Variants in NECAB1 observed in about 807,000 individuals in gnomAD.
NECAB1 encodes the protein N-terminal EF-hand calcium binding protein 1, also known as N-terminal EF-hand calcium-binding protein 1.
NECAB1 carries 29 observed loss-of-function variants against 57.5 expected under a neutral mutation model. The observed-to-expected ratio is 0.50, with a 90% CI of 0.38 to 0.69. The LOEUF is 0.69. Ranked by LOEUF, NECAB1 falls within the 30% of genes least tolerant of loss-of-function variation. The pLI is 0.00. For synonymous variants in NECAB1, 142 were observed against 147.7 expected (o/e 0.96, Z 0.28); for missense variants, 372 against 413.8 (o/e 0.90, Z 0.88).
Position 90,855,078 on chromosome 8 carries a change from A to C in NECAB1, c.234-17050A>C, listed in dbSNP as rs978398600. ...CCTATTCTCTTGTTTGCAAACAAAC[A>C]TGTAGCCCTCAGGAGCACAGGTCAC... On this transcript the variant is annotated intron_variant, in intron 3 of 12. Coordinates refer to ENST00000417640, the MANE Select transcript of NECAB1 (RefSeq NM_022351.5). Among the ~76,000 whole-genome samples the C allele has an allele frequency of 2.6e-5, 4 of 152,204 alleles. No homozygotes were observed. The South Asian group carries it at 8.3e-4, about 32-fold the overall frequency.
chr8:90,853,359 T>C (rs923564028), intron 3 of NECAB1, among the ~76,000 whole-genome samples: 2 of 152,236 alleles, frequency 1.3e-5, no homozygotes, highest in African/African-American at 2.4e-5. Context: ...GTCCCATGAA[T>C]GGGACAGGAA....
chr8:90,897,767 A>G (rs1007254475), intron 5 of NECAB1, among the ~76,000 whole-genome samples: 1 of 152,208 alleles, frequency 6.6e-6, no homozygotes, highest in Non-Finnish European at 1.5e-5. Flanking sequence ...TAACGTTTCA[A>G]AAATGACACT....
At chr8:90,834,569 A>G (rs559119423) in intron 3 of NECAB1, among the ~76,000 whole-genome samples, 53 of 152,202 alleles carry the variant, frequency 3.5e-4, no homozygotes, top group Non-Finnish European at 6.9e-4. Flanking sequence ...TCTTCGACTT[A>G]GCCTCCAGAA....
In NECAB1 at chr8:90,866,309, T is replaced by C. The variant is rs190413512; in HGVS notation, c.234-5819T>C. On this transcript the variant is annotated intron_variant, in intron 3 of 12. Transcript: ENST00000417640. ...CTGCCAATAAACCAATGGGTGCATC[T>C]ACTTCCATCAGAGTAGCTCAGCATA... 1.4e-4 allele frequency among the ~76,000 whole-genome samples: 21 copies of C among 152,368 alleles called. No homozygotes were observed. In the East Asian group the frequency reaches 4.0e-3, roughly 29 times the overall value.
chr8:90,949,092 G>A (rs896986180), intron 10 of NECAB1, among the ~76,000 whole-genome samples: 1 of 151,094 alleles, frequency 6.6e-6, no homozygotes, highest in African/African-American at 2.4e-5. Flanking sequence ...AAAAACCCTT[G>A]CAATTATGGC....
intron 5 of NECAB1, among the ~76,000 whole-genome samples, chr8:90,912,645 G>A (rs965867935): frequency 6.6e-6 from 1 of 151,734 alleles, no homozygotes; most frequent in Non-Finnish European, 1.5e-5. Context: ...ATTAACCTCT[G>A]TCCATTATTA....
chr8:90,893,850 AT>A (rs5893143), intron 5 of NECAB1, among the ~76,000 whole-genome samples: 5 of 150,530 alleles, frequency 3.3e-5, no homozygotes, highest in Non-Finnish European at 4.4e-5. Flanking sequence ...AAAGAATGCT[AT>A]TTTTTTTTTA....
At chr8:90,797,793 C>T (rs1348607923) in intron 1 of NECAB1, among the ~76,000 whole-genome samples, 1 of 152,126 alleles carries the variant, frequency 6.6e-6, no homozygotes, top group Admixed American at 6.5e-5. Context: ...GTATTGGCTC[C>T]TGTAATGAAA....
chr8:90,820,694 T>A (rs200101129), intron 2 of NECAB1, among the ~76,000 whole-genome samples: 2 of 138,606 alleles, frequency 1.4e-5, no homozygotes, highest in South Asian at 4.5e-4. Flanking sequence ...TTTTTTTTTT[T>A]AAGAAGCACT....
At chr8:90,947,303 TACACACACACAC>T (rs71771328) in intron 10 of NECAB1, among the ~76,000 whole-genome samples, 11 of 78,286 alleles carry the variant, frequency 1.4e-4, no homozygotes, top group South Asian at 4.5e-4. Context: ...TAACAACACA[TACACACACACAC>T]ACACACACAC....
At chr8:90,831,354 G>A (rs915210450) in intron 3 of NECAB1, among the ~76,000 whole-genome samples, 9 of 152,188 alleles carry the variant, frequency 5.9e-5, no homozygotes, top group African/African-American at 2.2e-4. Flanking sequence ...TAGATGCCAG[G>A]CAGGCAAAAC....
intron 5 of NECAB1, among the ~76,000 whole-genome samples, chr8:90,891,286 A>G (rs986345674): frequency 1.3e-5 from 2 of 152,198 alleles, no homozygotes; most frequent in Non-Finnish European, 2.9e-5. Context: ...AGTTGGTCAC[A>G]TGAGGGTCAC....
At chr8:90,859,503 G>A (rs1001984775) in intron 3 of NECAB1, among the ~76,000 whole-genome samples, 1 of 152,128 alleles carries the variant, frequency 6.6e-6, no homozygotes, top group South Asian at 2.1e-4. Flanking sequence ...AAGAGGAGTA[G>A]GTCAACAAGA....
chr8:90,914,017 T>C (rs542731090), intron 5 of NECAB1, among the ~76,000 whole-genome samples: 2 of 152,274 alleles, frequency 1.3e-5, no homozygotes, highest in African/African-American at 4.8e-5. Flanking sequence ...AGGCAGGTGG[T>C]GACCAGCCAG....
chr8:90,804,891 T>A (rs1320268117), intron 2 of NECAB1, among the ~76,000 whole-genome samples: 1 of 152,158 alleles, frequency 6.6e-6, no homozygotes, highest in Non-Finnish European at 1.5e-5. Context: ...TTATGAATAA[T>A]AAATGAGGGA....
intron 5 of NECAB1, among the ~76,000 whole-genome samples, chr8:90,892,932 C>T (rs1051214297): frequency 1.3e-5 from 2 of 152,126 alleles, no homozygotes; most frequent in African/African-American, 4.8e-5. Flanking sequence ...TCATCTGGTA[C>T]CCTCCCCATC....
chr8:90,833,469 G>A (rs4490795), intron 3 of NECAB1, among the ~76,000 whole-genome samples: 206 of 151,636 alleles, frequency 1.4e-3, no homozygotes, highest in African/African-American at 4.7e-3. Context: ...GGTTTGTTAC[G>A]TAGGTATACA....
intron 2 of NECAB1, among the ~76,000 whole-genome samples, chr8:90,819,798 C>T (rs768941191): frequency 5.9e-5 from 9 of 151,882 alleles, no homozygotes; most frequent in Non-Finnish European, 1.2e-4. Context: ...GAAAAATGCC[C>T]GTCCTCTCAG....
intron 8 of NECAB1, among the ~76,000 whole-genome samples, chr8:90,928,843 G>A (rs1810338626): frequency 6.6e-6 from 1 of 152,098 alleles, no homozygotes; most frequent in African/African-American, 2.4e-5. Context: ...GAGTTCTTTA[G>A]AACTACATTT....
Sources: gnomAD v4.1 joint callset for allele counts (sites outside exome capture counted in the v4.1 genomes callset) on GRCh38, gnomAD v4.1.1 for gene constraint, MANE v1.5 for transcripts, NCBI Gene and HGNC (gene_info 2026-07-23, HGNC 2026-07-21) for gene names.